Variants in PIN1 observed in about 807,000 individuals in gnomAD.
PIN1 encodes the protein peptidyl-prolyl cis-trans isomerase NIMA-interacting 1.
Under a neutral mutation model 19.9 loss-of-function variants are expected in PIN1, and 8 were observed. The ratio of observed to expected loss-of-function variants is 0.40; its 90% CI spans 0.24 to 0.72. PIN1 has a LOEUF of 0.72. Ranked by LOEUF, PIN1 falls within the 30% of genes least tolerant of loss-of-function variation. The probability of loss-of-function intolerance (pLI) is 0.37; values close to 1 mark genes in which losing one functional copy is unlikely to be tolerated. For missense variants in PIN1, 185 were observed against 226.5 expected, an observed-to-expected ratio of 0.82 and a Z score of 1.18; for synonymous variants, 86 against 90.8, an observed-to-expected ratio of 0.95 and a Z score of 0.30.
At chr19:9,847,858 A>G (rs1423417718) in intron 2 of PIN1, among the ~76,000 whole-genome samples, 172 bp from the exon 3 acceptor site, 1 of 152,054 alleles carries the variant, frequency 6.6e-6, no homozygotes, top group Non-Finnish European at 1.5e-5. Context: ...GTGACTGCGC[A>G]TGCAGGTATG....
rs2046216918 is a variant in PIN1, at chr19:9,846,020, G to A, written c.272-2010G>A. ...GGGGGACAGGGGACTCCAGTGCTCT[G>A]TGCCTAAGGCCAAGGAGATACCTAG... On this transcript the variant is annotated intron_variant, in intron 2 of 3. Coordinates refer to ENST00000247970, the MANE Select transcript of PIN1 (RefSeq NM_006221.4). The surrounding 1 kb of genome is among the most constrained non-coding windows in gnomAD (Gnocchi z 5.9). Among the ~76,000 whole-genome samples the A allele has an allele frequency of 6.6e-6, 1 of 152,142 alleles. No individual in the cohort carries two copies. Among genetic ancestry groups the A allele is most frequent in the African/African-American group, 2.4e-5 (1 of 41,432 alleles).
intron 2 of PIN1, among the ~76,000 whole-genome samples, chr19:9,843,682 C>G (rs1270241127): frequency 6.6e-6 from 1 of 152,208 alleles, no homozygotes; most frequent in Non-Finnish European, 1.5e-5. Context: ...TCTCACTGTG[C>G]ACTCACATGG....
At chr19:9,841,918 C>G (rs2046170670) in intron 2 of PIN1, among the ~76,000 whole-genome samples, 1 of 152,148 alleles carries the variant, frequency 6.6e-6, no homozygotes, top group Non-Finnish European at 1.5e-5. Context: ...AGAGCTGCTC[C>G]AAGCAATCCT....
At chr19:9,842,060 C>T (rs1208902752) in intron 2 of PIN1, among the ~76,000 whole-genome samples, 12 of 152,080 alleles carry the variant, frequency 7.9e-5, no homozygotes, top group Admixed American at 7.9e-4. Context: ...GGCCCTGAGG[C>T]GTCACCGTAG....
chr19:9,847,862 A>G (rs2046236062), intron 2 of PIN1, among the ~76,000 whole-genome samples, 168 bp from the exon 3 acceptor site: 1 of 151,982 alleles, frequency 6.6e-6, no homozygotes, highest in African/African-American at 2.4e-5. Flanking sequence ...CTGCGCATGC[A>G]GGTATGTGTG....
In PIN1 at chr19:9,849,533, G is replaced by A. The variant is rs920301824; in HGVS notation, c.*334G>A. On this transcript the variant is annotated 3_prime_UTR_variant, in exon 4 of 4. Transcript: ENST00000247970. ...GCAGAGCCGCCCCGTGTCCCCCCAG[G>A]TGCTGGAGGCAGACTCGAGGGCCGA... 4.8e-6 allele frequency: 3 copies of A among 629,770 alleles called. No homozygotes were observed. The highest frequency in any genetic ancestry group is 9.1e-6 in the Non-Finnish European group (3 of 331,318). 39.0% of individuals were successfully genotyped at this position (629,770 alleles called of 1,614,324 possible). A position where few individuals can be genotyped will look rare whatever the true frequency, so the allele number is the denominator to read the frequency against.
At chr19:9,842,153 G>T (rs1488402659) in intron 2 of PIN1, among the ~76,000 whole-genome samples, 1 of 152,180 alleles carries the variant, frequency 6.6e-6, no homozygotes, top group African/African-American at 2.4e-5. Flanking sequence ...GCAAGAGGCG[G>T]TGTGACTTGA....
chr19:9,838,041 A>G lies in PIN1; in HGVS notation c.59-395A>G. The G allele has an allele frequency of 3.1e-6, 1 of 320,880 alleles. No homozygotes were observed. The highest frequency in any genetic ancestry group is 6.1e-6 in the Non-Finnish European group (1 of 165,218). 19.9% of individuals were successfully genotyped at this position (320,880 alleles called of 1,614,324 possible). On this transcript the variant is annotated intron_variant, in intron 1 of 3. Transcript: ENST00000247970. This position sits in a 1 kb window ranked among gnomAD's most constrained non-coding sequence, Gnocchi z 5.8. Reference sequence around the variant, plus strand: ...GAACACCAAGGCCCAGGGAAGATATATCACATTTGAACCCAGATTCAGATT... The same window carrying G: ...GAACACCAAGGCCCAGGGAAGATATGTCACATTTGAACCCAGATTCAGATT...
At chr19:9,835,524 C>A in intron 1 of PIN1, 122 bp downstream of exon 1, 1 of 703,624 alleles carries the variant, frequency 1.4e-6, no homozygotes, top group Non-Finnish European at 2.1e-6. Flanking sequence ...TCTTCCGCGT[C>A]GTCCCCGGGG....
At chr19:9,840,164 G>A (rs1261274088) in intron 2 of PIN1, among the ~76,000 whole-genome samples, 2 of 152,300 alleles carry the variant, frequency 1.3e-5, no homozygotes, top group East Asian at 3.9e-4. Context: ...CAAGGTGGGT[G>A]GATCACGAAG....
At chr19:9,841,997 C>T (rs370834496) in intron 2 of PIN1, among the ~76,000 whole-genome samples, 3 of 151,962 alleles carry the variant, frequency 2.0e-5, no homozygotes, top group Admixed American at 6.6e-5. Context: ...GTGTGGTGGG[C>T]GAGGGTGTCT....
In PIN1 at chr19:9,849,366, G is replaced by A. The variant is rs1271392007; in HGVS notation, c.*167G>A. On this transcript the variant is annotated 3_prime_UTR_variant, in exon 4 of 4. Transcript: ENST00000247970. The stretch of plus-strand genomic sequence containing the variant: ...GGGGCCCTTCCAGATTGGGGGCCCT[G>A]GGGTCCCCACTCCCTGTCCATCCCC... 2.8e-6 allele frequency: 2 copies of A among 711,836 alleles called. No individual in the cohort carries two copies. Among genetic ancestry groups the A allele is most frequent in the South Asian group, 1.5e-5 (1 of 68,312 alleles). 44.1% of individuals were successfully genotyped at this position (711,836 alleles called of 1,614,324 possible).
chr19:9,842,548 C>T (rs1007693024), intron 2 of PIN1, among the ~76,000 whole-genome samples: 1 of 152,216 alleles, frequency 6.6e-6, no homozygotes, highest in Non-Finnish European at 1.5e-5. Flanking sequence ...TGCCACCCCA[C>T]AGCCCGTAGA....
chr19:9,848,732 C>CA (rs2046245676), intron 3 of PIN1: 1 of 313,226 alleles, frequency 3.2e-6, no homozygotes, highest in African/African-American at 2.2e-5. Context: ...ATGGGGCCAG[C>CA]AGCTGCCCAC....
rs1226838701 is a variant in PIN1 at position 9,838,484 on chromosome 19, G to A, written c.107G>A (p.Arg36Gln). 3 of 1,609,414 alleles carry A rather than the reference G, an allele frequency of 1.9e-6. No individual in the cohort carries two copies. The highest frequency in any genetic ancestry group is 2.2e-5 in the East Asian group (1 of 44,708). ...ATCACTAACGCCAGCCAGTGGGAGCGGCCCAGCGGCAACAGCAGCAGTGGT... is the reference window on the plus strand; with the variant it reads ...ATCACTAACGCCAGCCAGTGGGAGCAGCCCAGCGGCAACAGCAGCAGTGGT... ...NHITNASQWERPSGNSSSGGK... is the reference protein window; with the variant it reads ...NHITNASQWEQPSGNSSSGGK... The change falls in exon 2 of 4, where the codon CGG becomes CAG. Residue 36 changes from arginine (R) to glutamine (Q), a missense_variant. Transcript: ENST00000247970. This position sits in a 1 kb window ranked among gnomAD's most constrained non-coding sequence, Gnocchi z 5.8.
chr19:9,835,703 C>A, intron 1 of PIN1: 1 of 421,364 alleles, frequency 2.4e-6, no homozygotes, highest in African/African-American at 2.1e-5. Flanking sequence ...CACCTGACAC[C>A]CCGGGGGACG....
In PIN1 at chr19:9,848,044, A is replaced by G. The variant is rs767555744; in HGVS notation, c.286A>G (p.Ile96Val). 6.2e-7 allele frequency: 1 copy of G among 1,610,246 alleles called. No individual in the cohort carries two copies. Among genetic ancestry groups the G allele is most frequent in the Admixed American group, 1.7e-5 (1 of 60,006 alleles). ...CATGTCCACAGGCTACATCCAGAAGATCAAGTCGGGAGAGGAGGACTTTGA... is the reference window on the plus strand; with the variant it reads ...CATGTCCACAGGCTACATCCAGAAGGTCAAGTCGGGAGAGGAGGACTTTGA... ...LELINGYIQK[I>V]KSGEEDFESL... Residue 96 changes from isoleucine to valine, a missense_variant, in exon 3 of 4, where the codon ATC becomes GTC. Coordinates refer to ENST00000247970, the MANE Select transcript of PIN1 (RefSeq NM_006221.4).
rs568515700 is a variant in PIN1, at chr19:9,836,694, A to G, written c.58+1292A>G. On this transcript the variant is annotated intron_variant, in intron 1 of 3. Coordinates refer to ENST00000247970, the MANE Select transcript of PIN1 (RefSeq NM_006221.4). ...TCATACCCCTCACTCCCTGGGTAAC[A>G]TCGGGCCACCAGTAATGCTGGTTCC... 1.5e-3 allele frequency: 742 copies of G among 491,890 alleles called. 8 individuals are homozygous for G. Among genetic ancestry groups the G allele is most frequent in the South Asian group, 0.012 (675 of 58,330 alleles). 30.5% of individuals were successfully genotyped at this position (491,890 alleles called of 1,614,324 possible). A position where few individuals can be genotyped will look rare whatever the true frequency, so the allele number is the denominator to read the frequency against.
At chr19:9,847,587 T>G (rs550339100) in intron 2 of PIN1, among the ~76,000 whole-genome samples, 10 of 152,328 alleles carry the variant, frequency 6.6e-5, no homozygotes, top group African/African-American at 2.4e-4. Flanking sequence ...CTCCCACCTC[T>G]GCCCAGGGGG....
Sources: gnomAD v4.1 joint callset for allele counts (sites outside exome capture counted in the v4.1 genomes callset) on GRCh38, gnomAD v4.1.1 for gene constraint, Gnocchi (gnomAD v3.1) non-coding constraint, MANE v1.5 for transcripts, NCBI Gene and HGNC (gene_info 2026-07-23, HGNC 2026-07-21) for gene names.